Variants in AFDN observed in about 807,000 individuals in gnomAD.
AFDN encodes the protein afadin, adherens junction formation factor.
Under a neutral mutation model 216.6 loss-of-function variants are expected in AFDN, and 68 were observed. The ratio of observed to expected loss-of-function variants is 0.31; its 90% CI spans 0.26 to 0.38. The LOEUF (loss-of-function observed/expected upper bound fraction) is 0.38, where lower values mean the gene tolerates loss of function less well. AFDN is among the 10% of genes least tolerant of loss of function. The probability of loss-of-function intolerance (pLI) is 1.00; values close to 1 mark genes in which losing one functional copy is unlikely to be tolerated. For missense variants in AFDN, 2,136 were observed against 2,342.0 expected, an observed-to-expected ratio of 0.91 and a Z score of 1.82; for synonymous variants, 868 against 853.7, an observed-to-expected ratio of 1.02 and a Z score of -0.29.
intron 1 of AFDN, among the ~76,000 whole-genome samples, chr6:167,859,640 G>C (rs1384564365): frequency 6.6e-6 from 1 of 152,158 alleles, no homozygotes; most frequent in African/African-American, 2.4e-5. Context: ...GTGAATTTCT[G>C]CTGGCTTGGA....
At chr6:167,913,682 C>A in intron 16 of AFDN, 1 of 511,258 alleles carries the variant, frequency 2.0e-6, no homozygotes, top group Non-Finnish European at 3.4e-6. Flanking sequence ...TCCTTGGTTC[C>A]TATTCTTTGG....
At position 167,890,849 on chromosome 6, in the gene AFDN, G is replaced by A; in HGVS notation, c.1010-13G>A. 1 of 1,610,708 alleles carries A rather than the reference G, an allele frequency of 6.2e-7. No individual in the cohort carries two copies. The highest frequency in any genetic ancestry group is 8.5e-7 in the Non-Finnish European group (1 of 1,178,524). ...CTGAGTCTGCCTGATGATTTCCCATGCTGCTGTTCTAGGGATTTTAGTCTT... is the reference window on the plus strand; with the variant it reads ...CTGAGTCTGCCTGATGATTTCCCATACTGCTGTTCTAGGGATTTTAGTCTT... On this transcript the variant is annotated splice_polypyrimidine_tract_variant and intron_variant, in intron 7 of 33. Transcript: ENST00000683244.
intron 1 of AFDN, among the ~76,000 whole-genome samples, chr6:167,848,118 T>G (rs1196862141): frequency 6.6e-6 from 1 of 152,152 alleles, no homozygotes; most frequent in Admixed American, 6.6e-5. Flanking sequence ...AGCACTTTGG[T>G]GAAACAGGAG....
intron 23 of AFDN, among the ~76,000 whole-genome samples, chr6:167,939,147 A>G (rs1220164041): frequency 2.0e-5 from 3 of 152,338 alleles, no homozygotes; most frequent in East Asian, 1.9e-4. Flanking sequence ...TGTTTATAAT[A>G]GTGTCACTAA....
chr6:167,878,231 C>G (rs2128286534), intron 5 of AFDN, among the ~76,000 whole-genome samples: 1 of 152,266 alleles, frequency 6.6e-6, no homozygotes, highest in South Asian at 2.1e-4. Flanking sequence ...CCACTGTGTA[C>G]AAACCAAGAG....
At chr6:167,851,660 T>C (rs1782322516) in intron 1 of AFDN, among the ~76,000 whole-genome samples, 1 of 152,196 alleles carries the variant, frequency 6.6e-6, no homozygotes, top group African/African-American at 2.4e-5. Context: ...TTGAGAGAAC[T>C]CAAGTGTTTG....
At chr6:167,863,727 A>G (rs749065538) in intron 1 of AFDN, 1 of 511,418 alleles carries the variant, frequency 2.0e-6, no homozygotes. Flanking sequence ...TGTGAGTGTC[A>G]GCCCACATTG....
intron 26 of AFDN, among the ~76,000 whole-genome samples, chr6:167,945,631 T>C (rs1351645630): frequency 6.6e-6 from 1 of 152,168 alleles, no homozygotes; most frequent in Non-Finnish European, 1.5e-5. Flanking sequence ...ATTTAGAAGA[T>C]AGGGATTTTT....
At chr6:167,935,071 C>T (rs1439460025) in intron 23 of AFDN, among the ~76,000 whole-genome samples, 1 of 152,122 alleles carries the variant, frequency 6.6e-6, no homozygotes, top group African/African-American at 2.4e-5. Context: ...TTGCCATTCT[C>T]TCTTGTAGCT....
intron 9 of AFDN, among the ~76,000 whole-genome samples, chr6:167,894,460 G>C (rs1015228198): frequency 5.3e-5 from 8 of 152,062 alleles, no homozygotes; most frequent in African/African-American, 1.9e-4. Flanking sequence ...TTTGTTTTTG[G>C]CAACGGTTTT....
chr6:167,946,595 T>G, intron 26 of AFDN, 112 bp from the exon 27 acceptor site: 2 of 866,644 alleles, frequency 2.3e-6, no homozygotes, highest in South Asian at 1.8e-5. Context: ...TAGGAAGAAT[T>G]GACCTTTATC....
chr6:167,881,613 G>A (rs534518061), intron 6 of AFDN, among the ~76,000 whole-genome samples: 2 of 152,236 alleles, frequency 1.3e-5, no homozygotes, highest in Admixed American at 1.3e-4. Flanking sequence ...AGAAGAAATT[G>A]GGCTGAAAGT....
chr6:167,865,291 C>G (rs1784050771), intron 2 of AFDN, among the ~76,000 whole-genome samples: 1 of 152,010 alleles, frequency 6.6e-6, no homozygotes, highest in Admixed American at 6.6e-5. Context: ...CTGAAAATAT[C>G]TTATATAGCA....
intron 7 of AFDN, among the ~76,000 whole-genome samples, chr6:167,890,496 T>A (rs1250726578): frequency 1.3e-5 from 2 of 152,210 alleles, no homozygotes; most frequent in Non-Finnish European, 2.9e-5. Flanking sequence ...TTTATATGTG[T>A]ATTTGTGTGT....
At chr6:167,948,083 T>C (rs1795537419) in intron 28 of AFDN, 139 bp downstream of exon 28, 6 of 800,618 alleles carry the variant, frequency 7.5e-6, no homozygotes, top group Non-Finnish European at 1.2e-5. Context: ...GTTTTATCTT[T>C]TGATTTTTAA....
At chr6:167,868,760 A>G (rs1291231763) in intron 2 of AFDN, among the ~76,000 whole-genome samples, 1 of 81,770 alleles carries the variant, frequency 1.2e-5, no homozygotes, top group Non-Finnish European at 2.5e-5. Flanking sequence ...GCATTGTGCA[A>G]TCTTTTTTTT....
intron 1 of AFDN, among the ~76,000 whole-genome samples, chr6:167,846,579 C>T (rs1000811690): frequency 1.3e-5 from 2 of 151,184 alleles, no homozygotes; most frequent in African/African-American, 4.9e-5. Context: ...CTTAAAACTT[C>T]TCATTAACTT....
At chr6:167,854,352 GA>G (rs1485172221) in intron 1 of AFDN, among the ~76,000 whole-genome samples, 8 of 151,876 alleles carry the variant, frequency 5.3e-5, no homozygotes, top group Non-Finnish European at 1.0e-4. Context: ...TTCTTTCTGT[GA>G]AACAAGTTGG....
intron 3 of AFDN, 22 bp from the exon 4 acceptor site, chr6:167,872,192 G>A (rs1454787048): frequency 3.1e-6 from 5 of 1,600,024 alleles, no homozygotes; most frequent in Non-Finnish European, 4.3e-6. Flanking sequence ...AGTCAATATG[G>A]TGATAATGTT....
Sources: gnomAD v4.1 joint callset for allele counts (sites outside exome capture counted in the v4.1 genomes callset) on GRCh38, gnomAD v4.1.1 for gene constraint, MANE v1.5 for transcripts, NCBI Gene and HGNC (gene_info 2026-07-23, HGNC 2026-07-21) for gene names.